RERE: variants seen among roughly 807,000 people sequenced by gnomAD.
The protein encoded by RERE is arginine-glutamic acid dipeptide repeats protein.
Under a neutral mutation model 146.1 loss-of-function variants are expected in RERE, and 40 were observed. The observed-to-expected ratio is 0.27, with a 90% confidence interval of 0.21 to 0.36. RERE has a LOEUF of 0.36. RERE is among the 10% of genes least tolerant of loss of function. RERE has a pLI of 1.00. For missense variants in RERE, 1,933 were observed against 2,138.7 expected (o/e 0.90, Z 1.90); for synonymous variants, 1,003 against 866.0 (o/e 1.16, Z -2.78).
intron 1 of RERE, among the ~76,000 whole-genome samples, chr1:8,736,872 A>C (rs1305353778): frequency 1.4e-5 from 2 of 145,814 alleles, no homozygotes; most frequent in African/African-American, 2.5e-5. Flanking sequence ...AAAAAAAAAA[A>C]AAACTAAAAC....
At chr1:8,680,879 T>C (rs1472930847) in intron 1 of RERE, among the ~76,000 whole-genome samples, 1 of 152,042 alleles carries the variant, frequency 6.6e-6, no homozygotes, top group African/African-American at 2.4e-5. Context: ...CAGGTAAACA[T>C]ACAAAGGACT....
At chr1:8,455,084 G>A (rs1326470683) in intron 11 of RERE, among the ~76,000 whole-genome samples, 1 of 152,100 alleles carries the variant, frequency 6.6e-6, no homozygotes, top group African/African-American at 2.4e-5. Context: ...CTTCCCCAGA[G>A]AGCTCAGGTG....
intron 4 of RERE, among the ~76,000 whole-genome samples, chr1:8,613,238 T>C (rs754405954): frequency 5.9e-5 from 9 of 152,214 alleles, no homozygotes; most frequent in Non-Finnish European, 1.2e-4. Flanking sequence ...GGCTCTCTAC[T>C]GCCTATTACA....
chr1:8,461,080 A>G (rs1226874635), intron 11 of RERE, among the ~76,000 whole-genome samples: 1 of 152,114 alleles, frequency 6.6e-6, no homozygotes, highest in Non-Finnish European at 1.5e-5. Flanking sequence ...AGAATTAATA[A>G]CCACCCAAGC....
At chr1:8,508,743 C>CA in intron 7 of RERE, 68 bp from the exon 8 acceptor site, 4 of 1,248,132 alleles carry the variant, frequency 3.2e-6, no homozygotes, top group South Asian at 1.3e-5. Context: ...ACACATTTTT[C>CA]AAAAAAAGTA....
At chr1:8,646,912 G>A (rs930410787) in intron 2 of RERE, among the ~76,000 whole-genome samples, 1 of 152,198 alleles carries the variant, frequency 6.6e-6, no homozygotes, top group African/African-American at 2.4e-5. Flanking sequence ...TGTGAGCCAA[G>A]GAGTTCAAGA....
chr1:8,696,662 C>T (rs908087366), intron 1 of RERE, among the ~76,000 whole-genome samples: 1 of 152,116 alleles, frequency 6.6e-6, no homozygotes. Context: ...GTAATCCCAG[C>T]ACTTTGGGAG....
intron 6 of RERE, among the ~76,000 whole-genome samples, chr1:8,544,915 C>A (rs960399071): frequency 6.6e-6 from 1 of 152,110 alleles, no homozygotes; most frequent in South Asian, 2.1e-4. Flanking sequence ...TTGGCTCTGA[C>A]TGGGTGGCAC....
chr1:8,803,891 T>C (rs913486289), intron 1 of RERE, among the ~76,000 whole-genome samples: 1 of 152,098 alleles, frequency 6.6e-6, no homozygotes, highest in Non-Finnish European at 1.5e-5. Flanking sequence ...TCAAAAGTGT[T>C]TAAGGATTCC....
intron 4 of RERE, among the ~76,000 whole-genome samples, chr1:8,575,846 C>T (rs182923673): frequency 9.2e-5 from 14 of 151,914 alleles, no homozygotes; most frequent in South Asian, 8.3e-4. Context: ...TGAAGAAATA[C>T]GATACAAATG....
At chr1:8,644,260 T>G (rs1268471911) in intron 2 of RERE, among the ~76,000 whole-genome samples, 2 of 152,184 alleles carry the variant, frequency 1.3e-5, no homozygotes, top group African/African-American at 4.8e-5. Context: ...ACATACTATA[T>G]TTACTCTTTT....
intron 1 of RERE, among the ~76,000 whole-genome samples, chr1:8,672,129 T>G (rs528739350): frequency 6.6e-6 from 1 of 152,174 alleles, no homozygotes; most frequent in East Asian, 1.9e-4. Flanking sequence ...AAATAAATAA[T>G]AATTTTTAAA....
At chr1:8,463,538 G>A (rs1014593725) in intron 11 of RERE, among the ~76,000 whole-genome samples, 1 of 152,228 alleles carries the variant, frequency 6.6e-6, no homozygotes, top group African/African-American at 2.4e-5. Context: ...GTTACAAGCA[G>A]GCGCTGCAGG....
chr1:8,698,857 A>C (rs1162508232), intron 1 of RERE, among the ~76,000 whole-genome samples: 6 of 152,012 alleles, frequency 3.9e-5, no homozygotes, highest in Non-Finnish European at 8.8e-5. Flanking sequence ...ATACTTACCC[A>C]TTATATTCTT....
intron 8 of RERE, among the ~76,000 whole-genome samples, chr1:8,500,843 G>C (rs970685680): frequency 2.7e-5 from 4 of 146,970 alleles, no homozygotes; most frequent in African/African-American, 5.4e-5. Context: ...GATGTGAGGA[G>C]CACCTCTGCT....
intron 1 of RERE, among the ~76,000 whole-genome samples, chr1:8,677,630 T>C (rs1638874286): frequency 6.6e-6 from 1 of 152,096 alleles, no homozygotes; most frequent in Non-Finnish European, 1.5e-5. Flanking sequence ...CTCACCCTTC[T>C]CTGTAGGGCT....
At chr1:8,725,949 G>A (rs1296193459) in intron 1 of RERE, among the ~76,000 whole-genome samples, 2 of 141,012 alleles carry the variant, frequency 1.4e-5, no homozygotes, top group African/African-American at 5.4e-5. Flanking sequence ...TAAAAAAAAA[G>A]TCAAAATAAG....
chr1:8,355,725 C>G (rs1362011160), intron 21 of RERE, 126 bp from the exon 22 acceptor site: 2 of 815,264 alleles, frequency 2.5e-6, no homozygotes, highest in Non-Finnish European at 3.7e-6. Context: ...GGAGCCAGCC[C>G]CTCCCAGACT....
At chr1:8,707,574 A>G (rs548551517) in intron 1 of RERE, among the ~76,000 whole-genome samples, 3 of 152,356 alleles carry the variant, frequency 2.0e-5, no homozygotes, top group African/African-American at 4.8e-5. Flanking sequence ...CACTCATTTA[A>G]TAACACTAAT....
Sources: allele counts gnomAD v4.1 joint callset (sites outside exome capture counted in the v4.1 genomes callset), GRCh38; gene constraint gnomAD v4.1.1; transcripts MANE v1.5; gene names NCBI Gene and HGNC (gene_info 2026-07-23, HGNC 2026-07-21).